Variants in ST6GALNAC3 observed in about 807,000 individuals in gnomAD.
ST6GALNAC3 encodes the protein ST6 N-acetylgalactosaminide alpha-2,6-sialyltransferase 3.
Under a neutral mutation model 32.7 loss-of-function variants are expected in ST6GALNAC3, and 25 were observed. That is an observed-to-expected ratio of 0.76 (90% CI 0.56 to 1.07). The LOEUF (loss-of-function observed/expected upper bound fraction) is 1.07, where lower values mean the gene tolerates loss of function less well. Among genes scored for constraint, ST6GALNAC3 ranks in the 50% least tolerant of loss-of-function variants. ST6GALNAC3 has a pLI of 0.00. For missense variants in ST6GALNAC3, 355 were observed against 382.4 expected (o/e 0.93, Z 0.60); for synonymous variants, 129 against 133.1 (o/e 0.97, Z 0.21).
chr1:76,209,605 CTG>C (rs1442406528), intron 1 of ST6GALNAC3, among the ~76,000 whole-genome samples: 1 of 152,190 alleles, frequency 6.6e-6, no homozygotes, highest in Non-Finnish European at 1.5e-5. Flanking sequence ...TCCTCGGGAA[CTG>C]AGATTAGCTT....
chr1:76,091,053 T>C (rs980946758), intron 1 of ST6GALNAC3, among the ~76,000 whole-genome samples: 5 of 152,154 alleles, frequency 3.3e-5, no homozygotes, highest in African/African-American at 1.2e-4. Context: ...AGTTAAAACA[T>C]GGCAATGACA....
At chr1:76,150,182 C>T (rs1487420615) in intron 1 of ST6GALNAC3, among the ~76,000 whole-genome samples, 4 of 152,172 alleles carry the variant, frequency 2.6e-5, no homozygotes, top group African/African-American at 9.7e-5. Context: ...TTCCAGCCTC[C>T]ATCTGAGAGC....
At chr1:76,164,428 A>C (rs1381522049) in intron 1 of ST6GALNAC3, among the ~76,000 whole-genome samples, 3 of 152,220 alleles carry the variant, frequency 2.0e-5, no homozygotes, top group Non-Finnish European at 4.4e-5. Context: ...GGTAGCTATT[A>C]GGGAAAATCA....
At chr1:76,628,596 C>T (rs1570487385) in intron 4 of ST6GALNAC3, 24 bp from the exon 5 acceptor site, 1 of 1,557,300 alleles carries the variant, frequency 6.4e-7, no homozygotes, top group Non-Finnish European at 8.6e-7. Context: ...TCTTTCTCTC[C>T]TTTTCTTTTT....
At chr1:76,568,446 CT>C (rs1213347776) in intron 3 of ST6GALNAC3, among the ~76,000 whole-genome samples, 3 of 152,170 alleles carry the variant, frequency 2.0e-5, no homozygotes, top group Admixed American at 1.3e-4. Context: ...CATGTATGCA[CT>C]TTGTTCCTGG....
chr1:76,369,630 AGTCTC>A (rs1309699996), intron 2 of ST6GALNAC3, among the ~76,000 whole-genome samples: 1 of 152,112 alleles, frequency 6.6e-6, no homozygotes, highest in East Asian at 1.9e-4. Context: ...GTGATAGCTG[AGTCTC>A]AGCCTCTTCC....
At chr1:76,597,114 C>T (rs968218230) in intron 3 of ST6GALNAC3, among the ~76,000 whole-genome samples, 3 of 152,008 alleles carry the variant, frequency 2.0e-5, no homozygotes, top group African/African-American at 7.2e-5. Context: ...GTAGCTTCCC[C>T]GTTGATCAAT....
chr1:76,329,210 T>C (rs1647139365), intron 2 of ST6GALNAC3, among the ~76,000 whole-genome samples: 1 of 152,216 alleles, frequency 6.6e-6, no homozygotes, highest in South Asian at 2.1e-4. Flanking sequence ...TTGACATTTC[T>C]CAGCTAGTAG....
At chr1:76,217,709 T>A (rs956754398) in intron 1 of ST6GALNAC3, among the ~76,000 whole-genome samples, 1 of 152,202 alleles carries the variant, frequency 6.6e-6, no homozygotes, top group African/African-American at 2.4e-5. Flanking sequence ...CATTGTATCA[T>A]TCTTACGCCT....
intron 1 of ST6GALNAC3, among the ~76,000 whole-genome samples, chr1:76,294,793 C>T (rs1005943868): frequency 1.3e-5 from 2 of 151,984 alleles, no homozygotes; most frequent in Admixed American, 1.3e-4. Flanking sequence ...TGCGTTTAGG[C>T]ATATAATTTA....
At position 76,484,899 on chromosome 1, in the gene ST6GALNAC3, A is replaced by G. The variant is rs553772440; in HGVS notation, c.623+72482A>G. Among the ~76,000 whole-genome samples the G allele has an allele frequency of 3.0e-3, 462 of 152,290 alleles. 4 individuals are homozygous for G. In the Middle Eastern group the frequency reaches 0.044, roughly 15 times the overall value. ...TTATTATTTTGAGATACATCCCATC[A>G]ATACTTAATTTATTGAGAGTTTTTA... On this transcript the variant is annotated intron_variant, in intron 3 of 4. Coordinates refer to ENST00000328299, the MANE Select transcript of ST6GALNAC3 (RefSeq NM_152996.4).
intron 3 of ST6GALNAC3, among the ~76,000 whole-genome samples, chr1:76,561,373 G>A (rs1665232823): frequency 6.6e-6 from 1 of 152,042 alleles, no homozygotes; most frequent in South Asian, 2.1e-4. Context: ...CAGAATGGGA[G>A]AATATATTTG....
At chr1:76,490,865 T>C (rs554098802) in intron 3 of ST6GALNAC3, among the ~76,000 whole-genome samples, 61 of 126,696 alleles carry the variant, frequency 4.8e-4, no homozygotes, top group African/African-American at 2.4e-3. Flanking sequence ...TCTTTTTTTT[T>C]GTTTTTTTTT....
chr1:76,343,028 G>C (rs1373227118), intron 2 of ST6GALNAC3, among the ~76,000 whole-genome samples: 1 of 152,052 alleles, frequency 6.6e-6, no homozygotes. Flanking sequence ...TAGGTCGTCT[G>C]TTTACTCTGT....
At chr1:76,211,159 T>C (rs1030870959) in intron 1 of ST6GALNAC3, among the ~76,000 whole-genome samples, 1 of 152,198 alleles carries the variant, frequency 6.6e-6, no homozygotes, top group Non-Finnish European at 1.5e-5. Flanking sequence ...AGAAGACATT[T>C]ATGCAGCCAA....
chr1:76,633,163 G>A lies in ST6GALNAC3; in HGVS notation c.*4357G>A, dbSNP rs1006853893. The A allele has an allele frequency of 1.4e-4, 22 of 152,126 alleles. No homozygotes were observed. The highest frequency in any genetic ancestry group is 7.4e-5 in the Non-Finnish European group (5 of 68,012). The allele number at this position is 152,126 out of a possible 1,614,324, so 9.4% of individuals were successfully genotyped here. A position where few individuals can be genotyped will look rare whatever the true frequency, so the allele number is the denominator to read the frequency against. ...CCTGTAGTTATAAACTGGACTAATGGCAGTACTGAGACTCAAATTCTTGTC... is the reference window on the plus strand; with the variant it reads ...CCTGTAGTTATAAACTGGACTAATGACAGTACTGAGACTCAAATTCTTGTC... On this transcript the variant is annotated 3_prime_UTR_variant, in exon 5 of 5. Transcript: ENST00000328299.
At chr1:76,290,753 A>G (rs1164751238) in intron 1 of ST6GALNAC3, among the ~76,000 whole-genome samples, 1 of 152,168 alleles carries the variant, frequency 6.6e-6, no homozygotes, top group African/African-American at 2.4e-5. Context: ...CTGATTTCCT[A>G]GCAGTAACAT....
intron 1 of ST6GALNAC3, among the ~76,000 whole-genome samples, chr1:76,193,889 T>A (rs1322265201): frequency 6.6e-6 from 1 of 152,218 alleles, no homozygotes; most frequent in Admixed American, 6.5e-5. Flanking sequence ...ACAGGTTATC[T>A]GGTGTCTCTT....
At chr1:76,313,615 T>G in intron 1 of ST6GALNAC3, 190 bp from the exon 2 acceptor site, 1 of 716,830 alleles carries the variant, frequency 1.4e-6, no homozygotes, top group East Asian at 2.7e-5. Flanking sequence ...CTGCTTGCTC[T>G]CAGCAGCCCA....
Sources: allele counts gnomAD v4.1 joint callset (sites outside exome capture counted in the v4.1 genomes callset), GRCh38; gene constraint gnomAD v4.1.1; transcripts MANE v1.5; gene names NCBI Gene and HGNC (gene_info 2026-07-23, HGNC 2026-07-21).